Variants in CNBD1 observed in about 807,000 individuals in gnomAD.
CNBD1 encodes the protein cyclic nucleotide binding domain containing 1.
CNBD1 carries 71 observed loss-of-function variants against 54.4 expected under a neutral mutation model. That is an observed-to-expected ratio of 1.30 (90% CI 1.08 to 1.59). The LOEUF is 1.59. Among genes scored for constraint, CNBD1 ranks in the 40% most tolerant of loss-of-function variants. CNBD1 has a pLI of 0.00. For missense variants in CNBD1, 659 were observed against 518.0 expected, an observed-to-expected ratio of 1.27 and a Z score of -2.64; for synonymous variants, 182 against 170.7, an observed-to-expected ratio of 1.07 and a Z score of -0.51.
intron 2 of CNBD1, among the ~76,000 whole-genome samples, chr8:87,393,256 T>G (rs530404970): frequency 2.6e-5 from 4 of 151,826 alleles, no homozygotes; most frequent in Non-Finnish European, 5.9e-5. Context: ...TAATTTACTC[T>G]GACTGGACTC....
At chr8:87,221,168 G>T (rs761672309) in intron 5 of CNBD1, among the ~76,000 whole-genome samples, 1 of 152,082 alleles carries the variant, frequency 6.6e-6, no homozygotes, top group Non-Finnish European at 1.5e-5. Context: ...AAGTGGATAA[G>T]TTGTCTATGA....
chr8:87,266,050 A>G (rs1808249191), intron 6 of CNBD1, among the ~76,000 whole-genome samples: 3 of 152,108 alleles, frequency 2.0e-5, no homozygotes, highest in African/African-American at 7.2e-5. Flanking sequence ...TACTTTTGGA[A>G]GAACATTATA....
At chr8:87,212,820 C>T (rs903444623) in intron 5 of CNBD1, among the ~76,000 whole-genome samples, 4 of 151,930 alleles carry the variant, frequency 2.6e-5, no homozygotes, top group African/African-American at 4.8e-5. Context: ...ATAACACTGA[C>T]AGTACAAGAG....
chr8:87,028,444 C>A (rs1212883427), intron 4 of CNBD1, among the ~76,000 whole-genome samples: 10 of 152,160 alleles, frequency 6.6e-5, no homozygotes, highest in Admixed American at 6.6e-4. Flanking sequence ...TACCAGAACA[C>A]CAGGAGTTCA....
At chr8:86,882,470 C>T (rs923931261) in intron 1 of CNBD1, among the ~76,000 whole-genome samples, 1 of 151,964 alleles carries the variant, frequency 6.6e-6, no homozygotes, top group East Asian at 1.9e-4. Context: ...ACCACTGAGA[C>T]ACCATCTCAC....
At chr8:87,420,600 C>A (rs1039615224) in intron 2 of CNBD1, among the ~76,000 whole-genome samples, 20 of 151,984 alleles carry the variant, frequency 1.3e-4, no homozygotes, top group African/African-American at 4.6e-4. Flanking sequence ...TAGAGAGAGA[C>A]AACCCCATTT....
chr8:87,057,998 TA>T (rs1205821411), intron 4 of CNBD1, among the ~76,000 whole-genome samples: 2 of 152,038 alleles, frequency 1.3e-5, no homozygotes, highest in African/African-American at 4.8e-5. Flanking sequence ...TATGAGCCTG[TA>T]AAACCAAAAG....
Position 87,006,762 on chromosome 8 carries a change from A to T in CNBD1, c.431+67008A>T, listed in dbSNP as rs148325334. 4.6e-5 allele frequency among the ~76,000 whole-genome samples: 7 copies of T among 151,804 alleles called. No homozygotes were observed. In the East Asian group the frequency reaches 1.4e-3, roughly 30 times the overall value. The stretch of plus-strand genomic sequence containing the variant: ...GATACTCAAACCATATCAGATGACA[A>T]CTCCTCCTCTTTAATCTCCTCCTCT... On this transcript the variant is annotated intron_variant, in intron 4 of 10. Transcript: ENST00000518476.
chr8:86,965,665 G>A (rs907466984), intron 4 of CNBD1, among the ~76,000 whole-genome samples: 6 of 152,124 alleles, frequency 3.9e-5, no homozygotes, highest in African/African-American at 1.2e-4. Flanking sequence ...TCTTTGGGGG[G>A]TGGATTTTCT....
intron 10 of CNBD1, among the ~76,000 whole-genome samples, chr8:87,382,267 A>G (rs919721616): frequency 6.6e-6 from 1 of 152,002 alleles, no homozygotes; most frequent in Admixed American, 6.6e-5. Flanking sequence ...TTTTACATTC[A>G]TATGAAACAA....
At chr8:87,096,937 T>C (rs1185241908) in intron 4 of CNBD1, among the ~76,000 whole-genome samples, 1 of 152,046 alleles carries the variant, frequency 6.6e-6, no homozygotes, top group Non-Finnish European at 1.5e-5. Context: ...CTGGATAAAG[T>C]GTTAATCAAA....
At chr8:86,928,536 A>T (rs916022965) in intron 3 of CNBD1, among the ~76,000 whole-genome samples, 2 of 152,204 alleles carry the variant, frequency 1.3e-5, no homozygotes, top group Non-Finnish European at 2.9e-5. Context: ...GGGGGAGCCC[A>T]AATCTAGGAA....
intron 4 of CNBD1, among the ~76,000 whole-genome samples, chr8:87,126,813 A>G (rs116913365): frequency 0.041 from 6,187 of 151,976 alleles, 175 homozygotes; most frequent in Non-Finnish European, 0.059. Context: ...GTTAATTTTT[A>G]TATGGTGTGA....
chr8:86,917,280 CATT>C (rs1809202180), intron 3 of CNBD1, among the ~76,000 whole-genome samples: 1 of 152,152 alleles, frequency 6.6e-6, no homozygotes. Flanking sequence ...TGTCCACTGA[CATT>C]ATGTAAATTG....
intron 4 of CNBD1, among the ~76,000 whole-genome samples, chr8:87,059,993 T>C (rs570349762): frequency 6.6e-6 from 1 of 152,332 alleles, no homozygotes; most frequent in South Asian, 2.1e-4. Context: ...AAGCCTGCCC[T>C]AGGGGGACAC....
chr8:87,258,864 C>T (rs1808074062), intron 6 of CNBD1, among the ~76,000 whole-genome samples: 1 of 152,116 alleles, frequency 6.6e-6, no homozygotes, highest in South Asian at 2.1e-4. Flanking sequence ...CAAATAATAT[C>T]CCTTTAGTGA....
chr8:86,984,623 C>T (rs891049012), intron 4 of CNBD1, among the ~76,000 whole-genome samples: 2 of 152,176 alleles, frequency 1.3e-5, no homozygotes, highest in African/African-American at 4.8e-5. Flanking sequence ...GTATGTGAGA[C>T]ATGGAGTCAA....
intron 4 of CNBD1, among the ~76,000 whole-genome samples, chr8:86,954,375 CTTG>C (rs894441357): frequency 1.1e-4 from 17 of 152,130 alleles, no homozygotes; most frequent in African/African-American, 3.6e-4. Context: ...TAAGGAAAAC[CTTG>C]TTGTGTTTTT....
chr8:87,151,084 T>C (rs1022153226), intron 4 of CNBD1, among the ~76,000 whole-genome samples: 1 of 152,142 alleles, frequency 6.6e-6, no homozygotes, highest in Non-Finnish European at 1.5e-5. Context: ...ATCTAAAAGG[T>C]GTTGCCAACC....
Sources: gnomAD v4.1 joint callset for allele counts (sites outside exome capture counted in the v4.1 genomes callset) on GRCh38, gnomAD v4.1.1 for gene constraint, MANE v1.5 for transcripts, NCBI Gene and HGNC (gene_info 2026-07-23, HGNC 2026-07-21) for gene names.